Variants in SPRED3 observed in about 807,000 individuals in gnomAD.
SPRED3 encodes the protein sprouty related EVH1 domain containing 3.
A neutral mutation model predicts 37.6 loss-of-function variants in SPRED3; 23 were observed. That is an observed-to-expected ratio of 0.61 (90% CI 0.44 to 0.87). The LOEUF is 0.87. Among genes scored for constraint, SPRED3 ranks in the 40% least tolerant of loss-of-function variants. SPRED3 has a pLI of 0.00. For synonymous variants in SPRED3, 302 were observed against 279.6 expected, an observed-to-expected ratio of 1.08 and a Z score of -0.80; for missense variants, 584 against 618.6, an observed-to-expected ratio of 0.94 and a Z score of 0.59.
chr19:38,392,483 C>G, intron 4 of SPRED3, 195 bp downstream of exon 4: 2 of 611,736 alleles, frequency 3.3e-6, no homozygotes, highest in Non-Finnish European at 5.2e-6. Flanking sequence ...CACGTTCATT[C>G]AAGGGTCCTT....
At chr19:38,390,150 A>T (rs1225607115) in intron 1 of SPRED3, 149 bp from the exon 2 acceptor site, 1 of 625,406 alleles carries the variant, frequency 1.6e-6, no homozygotes, top group African/African-American at 1.9e-5. Context: ...CATGGGGTTG[A>T]AGGTGGGTAT....
In SPRED3 at chr19:38,395,985, C is replaced by T. The variant is rs1970892768; in HGVS notation, c.1073C>T (p.Pro358Leu). 6 of 1,442,692 alleles carry T rather than the reference C, an allele frequency of 4.2e-6. No individual in the cohort carries two copies. Among genetic ancestry groups the T allele is most frequent in the Non-Finnish European group, 3.6e-6 (4 of 1,102,286 alleles). The allele number at this position is 1,442,692 out of a possible 1,614,324, so 89.4% of individuals were successfully genotyped here. ...GDFSDPCACE[P>L]GHPRPAARWA... ...TTCTCGGACCCGTGCGCCTGCGAGC[C>T]GGGCCACCCGCGCCCCGCCGCGCGC... is the stretch of plus-strand genomic sequence containing the variant. The change falls in exon 6 of 6, where the codon CCG (proline) becomes CTG (leucine). Residue 358 changes from proline to leucine, a missense_variant. Pro to Leu is a moderately conservative substitution (Grantham distance 98, BLOSUM62 -3). This residue lies in a region of SPRED3 where 85 missense variants were observed against 117.8 expected (regional missense o/e 0.72). Transcript: ENST00000691638. The surrounding 1 kb of genome is among the most constrained non-coding windows in gnomAD (Gnocchi z 5.2).
rs566688718 is a variant in SPRED3 at position 38,389,895 on chromosome 19, T to C, written c.-4-404T>C. ...TTGATGGGCCCAGAGAAAATATATA[T>C]GCGCAGGCACCCAGCTGTGAGGGGG... On this transcript the variant is annotated intron_variant, in intron 1 of 5. Transcript: ENST00000691638. Among the ~76,000 whole-genome samples the C allele has an allele frequency of 2.7e-5, 4 of 146,632 alleles. No homozygotes were observed. The East Asian group carries it at 6.2e-4, about 23-fold the overall frequency.
intron 1 of SPRED3, chr19:38,389,757 T>C (rs1467624741): frequency 8.5e-6 from 1 of 117,142 alleles, no homozygotes; most frequent in Non-Finnish European, 1.6e-5. Context: ...GCATCCGGTC[T>C]CATTCATAAA....
intron 4 of SPRED3, chr19:38,394,314 T>G: frequency 6.9e-7 from 1 of 1,458,766 alleles, no homozygotes. Context: ...GGCGAGCTGA[T>G]TAGATCAGGA....
At position 38,390,430 on chromosome 19, in the gene SPRED3, C is replaced by G. The variant is rs772047594; in HGVS notation, c.128C>G (p.Ala43Gly). 2.9e-5 allele frequency: 41 copies of G among 1,399,444 alleles called. No individual in the cohort carries two copies. The highest frequency in any genetic ancestry group is 2.0e-4 in the Middle Eastern group (1 of 5,064). The allele number at this position is 1,399,444 out of a possible 1,614,324, so 86.7% of individuals were successfully genotyped here. ...RVRGARPEGG[A>G]RQGHYVIHGE... ...CGAGGGGCCAGGCCCGAGGGGGGGGCCCGCCAGGGGCACTACGTCATCCAC... is the reference window on the plus strand; with the variant it reads ...CGAGGGGCCAGGCCCGAGGGGGGGGGCCGCCAGGGGCACTACGTCATCCAC... Residue 43 changes from alanine (A) to glycine (G), a missense_variant, in exon 2 of 6, where the codon GCC (alanine) becomes GGC (glycine). Ala to Gly is a moderately conservative substitution (Grantham distance 60). Transcript: ENST00000691638.
rs1157937419 is a variant in SPRED3 at position 38,399,584 on chromosome 19, C to G, written c.*3439C>G. On this transcript the variant is annotated 3_prime_UTR_variant, in exon 6 of 6. Transcript: ENST00000691638. ...CTCCAAGAAATGTCTGTGACAAAGT[C>G]TCAGCCTGTGTTATTTATTTGCCTC... 6.6e-6 allele frequency: 1 copy of G among 152,206 alleles called. No homozygotes were observed. The highest frequency in any genetic ancestry group is 1.5e-5 in the Non-Finnish European group (1 of 68,044). The allele number at this position is 152,206 out of a possible 1,614,324, so 9.4% of individuals were successfully genotyped here.
chr19:38,399,493 A>C lies in SPRED3; in HGVS notation c.*3348A>C, dbSNP rs568412776. 21 of 152,116 alleles carry C rather than the reference A, an allele frequency of 1.4e-4. No individual in the cohort carries two copies. The highest frequency in any genetic ancestry group is 4.1e-4 in the African/African-American group (17 of 41,480). The allele number at this position is 152,116 out of a possible 1,614,324, so 9.4% of individuals were successfully genotyped here. ...ATATTGTTAGTGTCAGTGCAGGCTG[A>C]AGTGGTGGGGGAGGATGGGGGCCAA... On this transcript the variant is annotated 3_prime_UTR_variant, in exon 6 of 6. Transcript: ENST00000691638.
chr19:38,390,534 G>A (rs1324471809), intron 2 of SPRED3, 55 bp downstream of exon 2: 2 of 1,270,472 alleles, frequency 1.6e-6, no homozygotes, highest in Non-Finnish European at 1.0e-6. Flanking sequence ...GGAGGGGAGA[G>A]GGGCTGGCAT....
chr19:38,388,833 CG>C, intron 1 of SPRED3, 26 bp downstream of exon 1: 1 of 397,322 alleles, frequency 2.5e-6, no homozygotes, highest in East Asian at 3.6e-5. Flanking sequence ...GGCGAGGGGG[CG>C]GGGGCTGACA....
intron 2 of SPRED3, 81 bp from the exon 3 acceptor site, chr19:38,391,865 G>T: frequency 5.9e-6 from 9 of 1,520,208 alleles, no homozygotes; most frequent in Non-Finnish European, 8.1e-6. Context: ...ACTAGGGTAT[G>T]CATGGGGGCT....
intron 1 of SPRED3, chr19:38,389,532 C>G (rs561610785): frequency 4.6e-5 from 7 of 151,198 alleles, no homozygotes. Flanking sequence ...ATCAATCTGC[C>G]CCCCCATCCC....
rs559280266 is a variant in SPRED3, at chr19:38,398,641, C to T, written c.*2496C>T. Reference sequence around the variant, plus strand: ...GGGGGGTGCCACAGGCTTTTTTCCCCCAAGTGAAATGGGGCTTCCAGTGGA... The same window carrying T: ...GGGGGGTGCCACAGGCTTTTTTCCCTCAAGTGAAATGGGGCTTCCAGTGGA... On this transcript the variant is annotated 3_prime_UTR_variant, in exon 6 of 6. Transcript: ENST00000691638. 10 of 152,292 alleles carry T rather than the reference C, an allele frequency of 6.6e-5. No homozygotes were observed. The highest frequency in any genetic ancestry group is 2.6e-4 in the Admixed American group (4 of 15,302). 9.4% of individuals were successfully genotyped at this position (152,292 alleles called of 1,614,324 possible). A position where few individuals can be genotyped will look rare whatever the true frequency, so the allele number is the denominator to read the frequency against.
chr19:38,392,044 G>A lies in SPRED3; in HGVS notation c.276G>A (p.Thr92=), dbSNP rs370882193. Residue 92 remains threonine, a synonymous_variant, in exon 3 of 6, where the codon ACG becomes ACA. Coordinates refer to ENST00000691638, the MANE Select transcript of SPRED3 (RefSeq NM_001394336.1). ...TGGGTGACTGCAAGTTTGGACTGAC[G>A]TTTCAGAGCCCTGCAGAGGCTGATG... ...WSLGDCKFGL[T]FQSPAEADEF... 69 of 1,614,186 alleles carry A rather than the reference G, an allele frequency of 4.3e-5. 1 individual carries two copies. Among genetic ancestry groups the A allele is most frequent in the African/African-American group, 4.3e-4 (32 of 75,042 alleles).
intron 4 of SPRED3, 113 bp downstream of exon 4, chr19:38,392,401 C>A: frequency 8.1e-7 from 1 of 1,227,758 alleles, no homozygotes; most frequent in Non-Finnish European, 1.1e-6. Context: ...ACCGGGTACA[C>A]AAAATTGGGC....
At position 38,388,750 on chromosome 19, in the gene SPRED3, A is replaced by C. The variant is rs1600510545; in HGVS notation, c.-62A>C. On this transcript the variant is annotated 5_prime_UTR_variant, in exon 1 of 6. Coordinates refer to ENST00000691638, the MANE Select transcript of SPRED3 (RefSeq NM_001394336.1). The stretch of plus-strand genomic sequence containing the variant: ...CGGAGCCAGCCAGGGAGCCGGAACG[A>C]AAAGGAGGAGGAGGAGGCCGCGTCG... 3 of 384,578 alleles carry C rather than the reference A, an allele frequency of 7.8e-6. No homozygotes were observed. Among genetic ancestry groups the C allele is most frequent in the East Asian group, 7.4e-5 (2 of 26,846 alleles). 23.8% of individuals were successfully genotyped at this position (384,578 alleles called of 1,614,324 possible).
chr19:38,395,683 A>T lies in SPRED3; in HGVS notation c.771A>T (p.Ala257=). The change falls in exon 6 of 6, where the codon GCA becomes GCT. Residue 257 remains alanine, a synonymous_variant. Transcript: ENST00000691638. This position sits in a 1 kb window ranked among gnomAD's most constrained non-coding sequence, Gnocchi z 5.2. ...GCGCTGCCCTGGGTCCCCCAGCGGC[A>T]CTACCTGCCCCTTTGACCGAGGCTG... ...LRGAALGPPA[A]LPAPLTEAAP... is the part of the protein sequence containing the mutation. 6.7e-7 allele frequency: 1 copy of T among 1,492,658 alleles called. No homozygotes were observed. The highest frequency in any genetic ancestry group is 8.8e-7 in the Non-Finnish European group (1 of 1,132,896). The allele number at this position is 1,492,658 out of a possible 1,614,324, so 92.5% of individuals were successfully genotyped here.
rs540660823 is a variant in SPRED3, at chr19:38,399,127, G to A, written c.*2982G>A. ...CCTCGTTTTGGGGAGGGGTGGGACGGGGGACCAGAGTGCTGTACGGTGCTG... is the reference window on the plus strand; with the variant it reads ...CCTCGTTTTGGGGAGGGGTGGGACGAGGGACCAGAGTGCTGTACGGTGCTG... On this transcript the variant is annotated 3_prime_UTR_variant, in exon 6 of 6. Coordinates refer to ENST00000691638, the MANE Select transcript of SPRED3 (RefSeq NM_001394336.1). The A allele has an allele frequency of 6.6e-6, 1 of 152,330 alleles. No homozygotes were observed. The highest frequency in any genetic ancestry group is 6.5e-5 in the Admixed American group (1 of 15,308). The allele number at this position is 152,330 out of a possible 1,614,324, so 9.4% of individuals were successfully genotyped here.
rs1003048979 is a variant in SPRED3 at position 38,397,993 on chromosome 19, T to G, written c.*1848T>G. The stretch of plus-strand genomic sequence containing the variant: ...ACAGATGATTATGCAGGGTCTTCAT[T>G]AAGTGAAGGCACACAGCCCAGGGTT... On this transcript the variant is annotated 3_prime_UTR_variant, in exon 6 of 6. Transcript: ENST00000691638. 6 of 151,928 alleles carry G rather than the reference T, an allele frequency of 3.9e-5. No homozygotes were observed. The highest frequency in any genetic ancestry group is 8.8e-5 in the Non-Finnish European group (6 of 68,036). 9.4% of individuals were successfully genotyped at this position (151,928 alleles called of 1,614,324 possible).
Sources: allele counts gnomAD v4.1 joint callset (sites outside exome capture counted in the v4.1 genomes callset), GRCh38; gene constraint gnomAD v4.1.1; regional missense constraint gnomAD v4.1.1; non-coding constraint Gnocchi (gnomAD v3.1); transcripts MANE v1.5; gene names NCBI Gene and HGNC (gene_info 2026-07-23, HGNC 2026-07-21).